The following DPY19L3 variants were observed in gnomAD, a reference collection of about 807,000 sequenced individuals.
DPY19L3 encodes the protein dpy-19 like C-mannosyltransferase 3, also known as protein C-mannosyl-transferase DPY19L3.
DPY19L3 carries 51 observed loss-of-function variants against 92.3 expected under a neutral mutation model. The ratio of observed to expected loss-of-function variants is 0.55; its 90% CI spans 0.44 to 0.70. The LOEUF is 0.70. DPY19L3 is among the 30% of genes least tolerant of loss of function. The pLI is 0.00. For missense variants in DPY19L3, 706 were observed against 855.9 expected, an observed-to-expected ratio of 0.82 and a Z score of 2.18; for synonymous variants, 309 against 315.2, an observed-to-expected ratio of 0.98 and a Z score of 0.21.
chr19:32,482,007 A>G (rs1339096082), intron 18 of DPY19L3, 72 bp from the exon 19 acceptor site: 5 of 1,540,812 alleles, frequency 3.2e-6, no homozygotes, highest in East Asian at 2.3e-5. Context: ...CCCAATACCC[A>G]TTCCTGCTCC....
chr19:32,449,829 A>G (rs1394026939), intron 8 of DPY19L3, among the ~76,000 whole-genome samples: 2 of 152,206 alleles, frequency 1.3e-5, no homozygotes, highest in African/African-American at 2.4e-5. Flanking sequence ...AAACATAGTA[A>G]TAACTCTTCC....
chr19:32,468,880 C>T (rs1487056713), intron 16 of DPY19L3, 67 bp downstream of exon 16: 13 of 1,464,920 alleles, frequency 8.9e-6, no homozygotes, highest in South Asian at 5.4e-5. Context: ...GACCACATTT[C>T]GTTTTGGGGG....
chr19:32,439,282 T>C (rs746311449), intron 7 of DPY19L3, 47 bp downstream of exon 7: 2 of 1,573,522 alleles, frequency 1.3e-6, no homozygotes, highest in East Asian at 2.2e-5. Context: ...CAATTTTATA[T>C]ATGAAGCTTC....
chr19:32,440,997 G>A (rs1969304327), intron 8 of DPY19L3, among the ~76,000 whole-genome samples: 1 of 152,106 alleles, frequency 6.6e-6, no homozygotes, highest in African/African-American at 2.4e-5. Context: ...GTTTATATAT[G>A]TATATGAAAT....
chr19:32,427,960 A>G (rs1048671174), intron 3 of DPY19L3: 1 of 147,872 alleles, frequency 6.8e-6, no homozygotes, highest in African/African-American at 2.5e-5. Context: ...CAATTTTTGT[A>G]AACAAATCTT....
In DPY19L3 at chr19:32,439,871, G is replaced by A. The variant is rs778118024; in HGVS notation, c.816G>A (p.Leu272=). 6 of 1,613,746 alleles carry A rather than the reference G, an allele frequency of 3.7e-6. No individual in the cohort carries two copies. The highest frequency in any genetic ancestry group is 2.2e-5 in the East Asian group (1 of 44,866). The change falls in exon 8 of 19, where the codon CTG becomes CTA. Residue 272 remains leucine, a synonymous_variant. Coordinates refer to ENST00000392250, the MANE Select transcript of DPY19L3 (RefSeq NM_001172774.2). ...QFMMLMQALV[L]FTLDSLDMLP... ...TGATGCTGATGCAAGCATTAGTGCTGTTCACACTGGACTCCCTGGACATGC... is the reference window on the plus strand; with the variant it reads ...TGATGCTGATGCAAGCATTAGTGCTATTCACACTGGACTCCCTGGACATGC...
intron 8 of DPY19L3, among the ~76,000 whole-genome samples, chr19:32,452,768 A>G (rs1460615507): frequency 4.6e-5 from 7 of 151,898 alleles, no homozygotes; most frequent in African/African-American, 1.7e-4. Flanking sequence ...TTCTCGGCTC[A>G]CTGCAGCCTC....
intron 12 of DPY19L3, among the ~76,000 whole-genome samples, chr19:32,460,620 G>T (rs1290050457): frequency 2.6e-5 from 4 of 152,114 alleles, no homozygotes. Flanking sequence ...AAGTGATTGT[G>T]CTATGACCTT....
chr19:32,427,684 A>G (rs943795073), intron 3 of DPY19L3, among the ~76,000 whole-genome samples: 1 of 152,190 alleles, frequency 6.6e-6, no homozygotes, highest in African/African-American at 2.4e-5. Context: ...CACTTCTCAC[A>G]TGCCACGGCT....
chr19:32,482,939 C>T lies in DPY19L3; in HGVS notation c.*699C>T, dbSNP rs1453118875. The stretch of plus-strand genomic sequence containing the variant: ...CAGAAAAGTGTTACAAGTTCCATAT[C>T]GTAAGTCCTTAAAGGGGCAGAAATA... On this transcript the variant is annotated 3_prime_UTR_variant, in exon 19 of 19. Transcript: ENST00000392250. 1 of 152,146 alleles carries T rather than the reference C, an allele frequency of 6.6e-6. No homozygotes were observed. The highest frequency in any genetic ancestry group is 6.5e-5 in the Admixed American group (1 of 15,274). 9.4% of individuals were successfully genotyped at this position (152,146 alleles called of 1,614,324 possible). A position where few individuals can be genotyped will look rare whatever the true frequency, so the allele number is the denominator to read the frequency against.
rs1243353266 is a variant in DPY19L3 at position 32,469,495 on chromosome 19, A to G, written c.1697+682A>G. 3.7e-5 allele frequency among the ~76,000 whole-genome samples: 5 copies of G among 135,940 alleles called. No individual in the cohort carries two copies. In the East Asian group the frequency reaches 1.0e-3, roughly 28 times the overall value. The allele number at this position is 135,940 out of a possible 152,430, so 89.2% of individuals were successfully genotyped here. A position where few individuals can be genotyped will look rare whatever the true frequency, so the allele number is the denominator to read the frequency against. On this transcript the variant is annotated intron_variant, in intron 16 of 18. Coordinates refer to ENST00000392250, the MANE Select transcript of DPY19L3 (RefSeq NM_001172774.2). Reference sequence around the variant, plus strand: ...TGGGCGACAGAGCAAGACTCTCTCTAAAAAAAAAAAAAAAGAAAGAAAAAA... The same window carrying G: ...TGGGCGACAGAGCAAGACTCTCTCTGAAAAAAAAAAAAAAGAAAGAAAAAA...
At chr19:32,438,464 A>T (rs978376643) in intron 6 of DPY19L3, among the ~76,000 whole-genome samples, 5 of 152,278 alleles carry the variant, frequency 3.3e-5, no homozygotes, top group Admixed American at 1.3e-4. Context: ...ATATATGTAG[A>T]TATAGATACA....
At chr19:32,447,164 T>G (rs1305988638) in intron 8 of DPY19L3, among the ~76,000 whole-genome samples, 1 of 152,112 alleles carries the variant, frequency 6.6e-6, no homozygotes, top group African/African-American at 2.4e-5. Flanking sequence ...AAAAAGAGTC[T>G]AAGAGGAACC....
In DPY19L3 at chr19:32,468,819, A is replaced by G; in HGVS notation, c.1697+6A>G. Reference sequence around the variant, plus strand: ...GAGCTGATGAACTGGATTAAGTAAGAGGATTTTTTTTAACTTTTAAAATTT... The same window carrying G: ...GAGCTGATGAACTGGATTAAGTAAGGGGATTTTTTTTAACTTTTAAAATTT... On this transcript the variant is annotated splice_donor_region_variant and intron_variant, in intron 16 of 18. Coordinates refer to ENST00000392250, the MANE Select transcript of DPY19L3 (RefSeq NM_001172774.2). The G allele has an allele frequency of 6.2e-7, 1 of 1,610,456 alleles. No homozygotes were observed. The highest frequency in any genetic ancestry group is 1.1e-5 in the South Asian group (1 of 90,152).
chr19:32,445,095 A>G (rs2145524004), intron 8 of DPY19L3, among the ~76,000 whole-genome samples: 1 of 151,362 alleles, frequency 6.6e-6, no homozygotes, highest in African/African-American at 2.4e-5. Flanking sequence ...AAAAAAAACA[A>G]AAAACAATGG....
chr19:32,462,540 C>T (rs1027430283), intron 12 of DPY19L3, among the ~76,000 whole-genome samples: 1 of 152,094 alleles, frequency 6.6e-6, no homozygotes, highest in African/African-American at 2.4e-5. Context: ...GTCTGATAAA[C>T]CTCTAGATCT....
rs555082989 is a variant in DPY19L3 at position 32,481,954 on chromosome 19, T to C, written c.1990-125T>C. ...GATGATCTCCAGGTGCCCATGGACA[T>C]TGAAATAATATAATTTAATTTCACT... is the stretch of plus-strand genomic sequence containing the variant. On this transcript the variant is annotated intron_variant, in intron 18 of 18. Coordinates refer to ENST00000392250, the MANE Select transcript of DPY19L3 (RefSeq NM_001172774.2). The C allele has an allele frequency of 5.5e-5, 61 of 1,113,938 alleles. No homozygotes were observed. In the South Asian group the frequency reaches 9.7e-4, roughly 18 times the overall value. The allele number at this position is 1,113,938 out of a possible 1,614,324, so 69.0% of individuals were successfully genotyped here. A position where few individuals can be genotyped will look rare whatever the true frequency, so the allele number is the denominator to read the frequency against.
intron 9 of DPY19L3, among the ~76,000 whole-genome samples, chr19:32,453,492 A>G (rs1236594671): frequency 6.6e-6 from 1 of 152,092 alleles, no homozygotes; most frequent in Non-Finnish European, 1.5e-5. Flanking sequence ...TTTCTTAGAG[A>G]ATTGGAACCT....
intron 15 of DPY19L3, among the ~76,000 whole-genome samples, chr19:32,465,441 A>C (rs1211725382): frequency 6.6e-6 from 1 of 152,260 alleles, no homozygotes; most frequent in African/African-American, 2.4e-5. Context: ...CAGATAGCAC[A>C]GACTGTTTTA....
Sources: gnomAD v4.1 joint callset for allele counts (sites outside exome capture counted in the v4.1 genomes callset) on GRCh38, gnomAD v4.1.1 for gene constraint, MANE v1.5 for transcripts, NCBI Gene and HGNC (gene_info 2026-07-23, HGNC 2026-07-21) for gene names.